ZNF653: variants seen among roughly 807,000 people sequenced by gnomAD.
The protein encoded by ZNF653 is zinc finger protein 653, also known as 67 kDa zinc finger protein.
ZNF653 carries 37 observed loss-of-function variants against 59.9 expected under a neutral mutation model. That is an observed-to-expected ratio of 0.62 (90% CI 0.48 to 0.81). The LOEUF (loss-of-function observed/expected upper bound fraction) is 0.81. Among genes scored for constraint, ZNF653 ranks in the 40% least tolerant of loss-of-function variants. The pLI, the probability that ZNF653 is intolerant of heterozygous loss-of-function variation, is 0.00. For synonymous variants in ZNF653, 435 were observed against 371.8 expected (o/e 1.17, Z -1.96); for missense variants, 808 against 881.1 (o/e 0.92, Z 1.05).
At chr19:11,504,141 C>T (rs761928130) in intron 1 of ZNF653, among the ~76,000 whole-genome samples, 23 of 151,938 alleles carry the variant, frequency 1.5e-4, no homozygotes, top group Non-Finnish European at 2.9e-4. Flanking sequence ...GTGGCTCACG[C>T]CTGTAATCCC....
intron 7 of ZNF653, among the ~76,000 whole-genome samples, chr19:11,484,712 A>G (rs535881237): frequency 6.6e-6 from 1 of 152,086 alleles, no homozygotes; most frequent in Admixed American, 6.5e-5. Flanking sequence ...TGTCCCTGAT[A>G]TTTGAACTTT....
intron 1 of ZNF653, among the ~76,000 whole-genome samples, chr19:11,499,237 G>A (rs1386760440): frequency 1.3e-5 from 2 of 152,248 alleles, no homozygotes; most frequent in Non-Finnish European, 2.9e-5. Context: ...GGTATGAAAA[G>A]TTTGTGTGGA....
intron 3 of ZNF653, among the ~76,000 whole-genome samples, chr19:11,489,869 A>G (rs890043172): frequency 1.3e-5 from 2 of 152,208 alleles, no homozygotes; most frequent in African/African-American, 4.8e-5. Context: ...GCAGGCCTGG[A>G]AGGCTTGGCC....
Position 11,495,956 on chromosome 19 carries a change from C to G in ZNF653, c.553G>C (p.Asp185His). Reference sequence around the variant, plus strand: ...CCTCGCCCTGCAGACCTACCTTTGTCACTGTCAGGGTCTGAGTCGCTGAGG... The same window carrying G: ...CCTCGCCCTGCAGACCTACCTTTGTGACTGTCAGGGTCTGAGTCGCTGAGG... ...KPLSDSDPDS[D>H]KVGNGLVAGS... The change falls in exon 3 of 9, where the codon GAC becomes CAC. Residue 185 changes from aspartate (D) to histidine (H), a missense_variant. Physicochemically the swap from Asp to His is moderately conservative, Grantham distance 81 (BLOSUM62 -1). Coordinates refer to ENST00000293771, the MANE Select transcript of ZNF653 (RefSeq NM_138783.4). This position sits in a 1 kb window ranked among gnomAD's most constrained non-coding sequence, Gnocchi z 4.9. 4 of 1,613,990 alleles carry G rather than the reference C, an allele frequency of 2.5e-6. No homozygotes were observed. The highest frequency in any genetic ancestry group is 1.7e-6 in the Non-Finnish European group (2 of 1,179,972).
intron 1 of ZNF653, among the ~76,000 whole-genome samples, chr19:11,498,616 G>C (rs575287882): frequency 2.0e-5 from 3 of 152,114 alleles, no homozygotes; most frequent in Admixed American, 6.6e-5. Context: ...GCTAATTTTT[G>C]TATGTTTAGT....
intron 1 of ZNF653, among the ~76,000 whole-genome samples, chr19:11,499,799 C>G (rs1426165727): frequency 2.0e-5 from 3 of 151,976 alleles, no homozygotes; most frequent in African/African-American, 7.3e-5. Context: ...GTAGTCCCAG[C>G]TACTCAGGAG....
intron 8 of ZNF653, 60 bp downstream of exon 8, chr19:11,483,982 G>T: frequency 6.5e-7 from 1 of 1,536,560 alleles, no homozygotes; most frequent in Non-Finnish European, 8.8e-7. Flanking sequence ...CCGCCCCTGG[G>T]ACCTGCTGGG....
intron 8 of ZNF653, 76 bp downstream of exon 8, chr19:11,483,966 G>A: frequency 5.9e-6 from 9 of 1,529,542 alleles, no homozygotes; most frequent in South Asian, 2.4e-5. Flanking sequence ...CTGCGTTGGG[G>A]CGAAGCCGCC....
At position 11,487,751 on chromosome 19, in the gene ZNF653, T is replaced by A. The variant is rs542297236; in HGVS notation, c.712A>T (p.Thr238Ser). ...TSPVGSSGLI[T>S]QEGVHIPFDV... The stretch of plus-strand genomic sequence containing the variant: ...AAGGGAATGTGCACGCCCTCCTGAG[T>A]GATGAGCCCGCTGCTGCCCACCGGG... Residue 238 changes from threonine to serine, a missense_variant, in exon 4 of 9, where the codon ACT becomes TCT. Coordinates refer to ENST00000293771, the MANE Select transcript of ZNF653 (RefSeq NM_138783.4). This position sits in a 1 kb window ranked among gnomAD's most constrained non-coding sequence, Gnocchi z 5.1. 4 of 1,613,110 alleles carry A rather than the reference T, an allele frequency of 2.5e-6. No individual in the cohort carries two copies. In the African/African-American group the frequency reaches 4.0e-5, roughly 16 times the overall value.
Position 11,487,567 on chromosome 19 carries a change from T to C in ZNF653, c.896A>G (p.Glu299Gly). 1.2e-6 allele frequency: 2 copies of C among 1,613,898 alleles called. No homozygotes were observed. Among genetic ancestry groups the C allele is most frequent in the South Asian group, 2.2e-5 (2 of 91,074 alleles). Residue 299 changes from glutamate (E) to glycine (G), a missense_variant, in exon 4 of 9, where the codon GAG (glutamate) becomes GGG (glycine). Glu to Gly is a moderately conservative substitution (Grantham distance 98). Coordinates refer to ENST00000293771, the MANE Select transcript of ZNF653 (RefSeq NM_138783.4). The surrounding 1 kb of genome is among the most constrained non-coding windows in gnomAD (Gnocchi z 5.1). The stretch of plus-strand genomic sequence containing the variant: ...GCTGGCCACCACCTCACCCAGGGCC[T>C]CCTGGGGCACGTTCTCAAAGAGGGC... ...PSALFENVPQ[E>G]ALGEVVASCP... is the part of the protein sequence containing the mutation.
At chr19:11,486,567 T>C (rs1427075279) in intron 6 of ZNF653, among the ~76,000 whole-genome samples, 6 of 152,266 alleles carry the variant, frequency 3.9e-5, no homozygotes, top group Non-Finnish European at 8.8e-5. Context: ...GCTTAATACA[T>C]GCTCAATCAA....
rs1295816475 is a variant in ZNF653, at chr19:11,495,952, T to C, written c.557A>G (p.Lys186Arg). 1 of 1,613,902 alleles carries C rather than the reference T, an allele frequency of 6.2e-7. No homozygotes were observed. The highest frequency in any genetic ancestry group is 8.5e-7 in the Non-Finnish European group (1 of 1,179,942). The change falls in exon 3 of 9, where the codon AAA (lysine) becomes AGA (arginine). Residue 186 changes from lysine to arginine, a missense_variant and splice_region_variant. Physicochemically the swap from Lys to Arg is conservative, Grantham distance 26 (BLOSUM62 2). Coordinates refer to ENST00000293771, the MANE Select transcript of ZNF653 (RefSeq NM_138783.4). This position sits in a 1 kb window ranked among gnomAD's most constrained non-coding sequence, Gnocchi z 4.9. ...PLSDSDPDSD[K>R]VGNGLVAGSS... ...GTGCCCTCGCCCTGCAGACCTACCT[T>C]TGTCACTGTCAGGGTCTGAGTCGCT...
rs1176237553 is a variant in ZNF653, at chr19:11,505,814, C to T, written c.-28G>A. Reference sequence around the variant, plus strand: ...CCCCCACCCTGGTTACCAGCCTCCCCCGTTGTTAGGAGCCAGACCGGAAGT... The same window carrying T: ...CCCCCACCCTGGTTACCAGCCTCCCTCGTTGTTAGGAGCCAGACCGGAAGT... On this transcript the variant is annotated 5_prime_UTR_variant, in exon 1 of 9. Coordinates refer to ENST00000293771, the MANE Select transcript of ZNF653 (RefSeq NM_138783.4). 9.5e-6 allele frequency: 13 copies of T among 1,361,992 alleles called. No individual in the cohort carries two copies. Among genetic ancestry groups the T allele is most frequent in the Non-Finnish European group, 1.1e-5 (12 of 1,058,798 alleles). The allele number at this position is 1,361,992 out of a possible 1,614,324, so 84.4% of individuals were successfully genotyped here.
At chr19:11,492,322 C>T (rs1018413669) in intron 3 of ZNF653, among the ~76,000 whole-genome samples, 3 of 151,952 alleles carry the variant, frequency 2.0e-5, no homozygotes, top group African/African-American at 4.8e-5. Context: ...GGATTACAGG[C>T]GTGAGCCACC....
At position 11,505,602 on chromosome 19, in the gene ZNF653, A is replaced by G. The variant is rs1971710916; in HGVS notation, c.185T>C (p.Leu62Pro). 1 of 1,505,610 alleles carries G rather than the reference A, an allele frequency of 6.6e-7. No individual in the cohort carries two copies. The allele number at this position is 1,505,610 out of a possible 1,614,324, so 93.3% of individuals were successfully genotyped here. Residue 62 changes from leucine to proline, a missense_variant, in exon 1 of 9, where the codon CTG becomes CCG. Leu to Pro is a moderately conservative substitution (Grantham distance 98). Transcript: ENST00000293771. ...CACCCAGGGCCCGTGCGCCTCGCCC[A>G]GGTACACGCGCCGCACGTCGTACTT... ...RKKYDVRRVY[L>P]GEAHGPWVDL...
chr19:11,505,108 A>C, intron 1 of ZNF653: 1 of 201,266 alleles, frequency 5.0e-6, no homozygotes, highest in Non-Finnish European at 1.0e-5. Context: ...GTCCCAGGCC[A>C]GGTGGGGAAC....
rs919228354 is a variant in ZNF653 at position 11,505,498 on chromosome 19, C to A, written c.289G>T (p.Gly97Cys). Residue 97 changes from glycine (G) to cysteine (C), a missense_variant, in exon 1 of 9, where the codon GGC becomes TGC. Gly to Cys is a radical substitution (Grantham distance 159, BLOSUM62 -3). Transcript: ENST00000293771. Reference sequence around the variant, plus strand: ...GCCAGGCCCCCTCACCCGTGGCGGCCGCTCCGCTGGCCGCGCTCCAGAGAG... The same window carrying A: ...GCCAGGCCCCCTCACCCGTGGCGGCAGCTCCGCTGGCCGCGCTCCAGAGAG... ...LISLERGQRS[G>C]RHGKPWEQVP... is the part of the protein sequence containing the mutation. The A allele has an allele frequency of 7.4e-6, 11 of 1,488,418 alleles. No homozygotes were observed. The African/African-American group carries it at 1.5e-4, about 20-fold the overall frequency. 92.2% of individuals were successfully genotyped at this position (1,488,418 alleles called of 1,614,324 possible). A position where few individuals can be genotyped will look rare whatever the true frequency, so the allele number is the denominator to read the frequency against.
chr19:11,488,447 G>A (rs1461533231), intron 3 of ZNF653, among the ~76,000 whole-genome samples: 4 of 150,448 alleles, frequency 2.7e-5, no homozygotes, highest in Non-Finnish European at 5.9e-5. Context: ...GCCCACACCC[G>A]GCTAATTTTT....
At position 11,505,477 on chromosome 19, in the gene ZNF653, G is replaced by A; in HGVS notation, c.299+11C>T. ...CTCCTCCCTCCCTCCCTCGGGGCCA[G>A]GCCCCCTCACCCGTGGCGGCCGCTC... On this transcript the variant is annotated intron_variant, in intron 1 of 8. Transcript: ENST00000293771. 1 of 1,468,014 alleles carries A rather than the reference G, an allele frequency of 6.8e-7. No homozygotes were observed. The highest frequency in any genetic ancestry group is 2.7e-5 in the Admixed American group (1 of 37,674). The allele number at this position is 1,468,014 out of a possible 1,614,324, so 90.9% of individuals were successfully genotyped here.
Sources: allele counts gnomAD v4.1 joint callset (sites outside exome capture counted in the v4.1 genomes callset), GRCh38; gene constraint gnomAD v4.1.1; non-coding constraint Gnocchi (gnomAD v3.1); transcripts MANE v1.5; gene names NCBI Gene and HGNC (gene_info 2026-07-23, HGNC 2026-07-21).